The following MEGF9 variants were observed in gnomAD, a reference collection of about 807,000 sequenced individuals.
MEGF9 encodes multiple EGF like domains 9, also known as multiple epidermal growth factor-like domains protein 9.
A neutral mutation model predicts 46.8 loss-of-function variants in MEGF9; 6 were observed. That is an observed-to-expected ratio of 0.13 (90% CI 0.07 to 0.25). MEGF9 has a LOEUF of 0.25. Among genes scored for constraint, MEGF9 ranks in the 10% least tolerant of loss-of-function variants. The pLI, the probability that MEGF9 is intolerant of heterozygous loss-of-function variation, is 1.00. For missense variants in MEGF9, 683 were observed against 792.4 expected, an observed-to-expected ratio of 0.86 and a Z score of 1.66; for synonymous variants, 302 against 330.7, an observed-to-expected ratio of 0.91 and a Z score of 0.94.
chr9:120,679,441 A>G (rs1220863216), intron 1 of MEGF9, among the ~76,000 whole-genome samples: 1 of 137,780 alleles, frequency 7.3e-6, no homozygotes, highest in Non-Finnish European at 1.5e-5. Context: ...ACTTGGACAC[A>G]GGATGGGGAA....
At chr9:120,642,290 G>A (rs992382092) in intron 2 of MEGF9, among the ~76,000 whole-genome samples, 4 of 152,170 alleles carry the variant, frequency 2.6e-5, no homozygotes, top group African/African-American at 7.2e-5. Flanking sequence ...CTAAACTGAT[G>A]AGTCATACTC....
Position 120,622,729 on chromosome 9 carries a change from C to G in MEGF9, c.830G>C (p.Gly277Ala), listed in dbSNP as rs1428382506. ...NSSGKCQCKV[G>A]VIGSICDRCQ... ...TCGGTCACATATAGAGCCAATGACA[C>G]CCACTTTGCACTGGCATTTCCCAGA... is the stretch of plus-strand genomic sequence containing the variant. Residue 277 changes from glycine to alanine, a missense_variant, in exon 3 of 6, where the codon GGT (glycine) becomes GCT (alanine). Around this residue, in one of 2 missense-constraint regions of MEGF9, gnomAD observed 313 missense variants for 421.1 expected, o/e 0.74. Transcript: ENST00000373930. The G allele has an allele frequency of 6.2e-7, 1 of 1,613,522 alleles. No homozygotes were observed. Among genetic ancestry groups the G allele is most frequent in the South Asian group, 1.1e-5 (1 of 91,010 alleles).
At chr9:120,635,470 C>T (rs1022535705) in intron 2 of MEGF9, among the ~76,000 whole-genome samples, 5 of 152,254 alleles carry the variant, frequency 3.3e-5, no homozygotes, top group African/African-American at 1.2e-4. Context: ...AATGGTGTCC[C>T]ATAAGTCTTG....
At chr9:120,672,882 G>A (rs1320303106) in intron 1 of MEGF9, among the ~76,000 whole-genome samples, 1 of 152,166 alleles carries the variant, frequency 6.6e-6, no homozygotes, top group African/African-American at 2.4e-5. Context: ...AATTAGCCGG[G>A]TGTGGTGGTG....
chr9:120,713,898 G>C lies in MEGF9; in HGVS notation c.461C>G (p.Pro154Arg), dbSNP rs1213025719. The C allele has an allele frequency of 7.5e-7, 1 of 1,330,720 alleles. No homozygotes were observed. The highest frequency in any genetic ancestry group is 1.5e-5 in the African/African-American group (1 of 66,446). 82.4% of individuals were successfully genotyped at this position (1,330,720 alleles called of 1,614,324 possible). ...APTTLSTTTG[P>R]APTTPVATTV... is the part of the protein sequence containing the mutation. ...GGTCGCTACAGGGGTGGTCGGCGCC[G>C]GGCCAGTGGTCGTCGAAAGGGTGGT... Residue 154 changes from proline (P) to arginine (R), a missense_variant, in exon 1 of 6, where the codon CCG (proline) becomes CGG (arginine). Coordinates refer to ENST00000373930, the MANE Select transcript of MEGF9 (RefSeq NM_001080497.3).
Position 120,714,202 on chromosome 9 carries a change from C to G in MEGF9, c.157G>C (p.Ala53Pro), listed in dbSNP as rs2043967779. 8.1e-7 allele frequency: 1 copy of G among 1,235,364 alleles called. No homozygotes were observed. The highest frequency in any genetic ancestry group is 1.0e-6 in the Non-Finnish European group (1 of 991,048). 76.5% of individuals were successfully genotyped at this position (1,235,364 alleles called of 1,614,324 possible). A position where few individuals can be genotyped will look rare whatever the true frequency, so the allele number is the denominator to read the frequency against. Residue 53 changes from alanine to proline, a missense_variant, in exon 1 of 6, where the codon GCG (alanine) becomes CCG (proline). Ala to Pro is a conservative substitution (Grantham distance 27). Coordinates refer to ENST00000373930, the MANE Select transcript of MEGF9 (RefSeq NM_001080497.3). ...CCCCGCAACCCGGGGCCCGGCGACG[C>G]GTCCACCTGCCCCGCGGCCCCGCCG... ...GGGGAAGQVD[A>P]SPGPGLRGEP...
chr9:120,700,955 T>A (rs1588000488), intron 1 of MEGF9, among the ~76,000 whole-genome samples: 1 of 150,662 alleles, frequency 6.6e-6, no homozygotes, highest in African/African-American at 2.4e-5. Context: ...ATTTAAAAAA[T>A]TAGTTTAAAA....
intron 2 of MEGF9, among the ~76,000 whole-genome samples, chr9:120,640,053 T>C (rs79782594): frequency 0.014 from 2,131 of 152,336 alleles, 20 homozygotes; most frequent in Non-Finnish European, 0.024. Flanking sequence ...TACCACCCTG[T>C]CTAGATTACT....
At chr9:120,660,789 AG>A (rs1392592358) in intron 1 of MEGF9, among the ~76,000 whole-genome samples, 1 of 152,238 alleles carries the variant, frequency 6.6e-6, no homozygotes, top group East Asian at 1.9e-4. Flanking sequence ...TCCTAGGAAT[AG>A]GTCCCATTCC....
intron 2 of MEGF9, among the ~76,000 whole-genome samples, chr9:120,625,735 G>C (rs376461844): frequency 8.7e-4 from 131 of 150,546 alleles, no homozygotes; most frequent in African/African-American, 3.1e-3. Flanking sequence ...TCGGGAGGCT[G>C]AGGCAGGAGA....
intron 1 of MEGF9, among the ~76,000 whole-genome samples, chr9:120,711,870 CA>C (rs112358001): frequency 6.8e-6 from 1 of 147,078 alleles, no homozygotes; most frequent in African/African-American, 2.7e-5. Context: ...CACACACACA[CA>C]CCCACAGGCC....
At chr9:120,657,816 A>G (rs184042365) in intron 2 of MEGF9, among the ~76,000 whole-genome samples, 2 of 152,194 alleles carry the variant, frequency 1.3e-5, no homozygotes, top group African/African-American at 4.8e-5. Context: ...TTGGAATTGA[A>G]GACCTAATTT....
chr9:120,653,373 TATTTA>T (rs2043662120), intron 2 of MEGF9, among the ~76,000 whole-genome samples: 1 of 149,580 alleles, frequency 6.7e-6, no homozygotes, highest in East Asian at 1.9e-4. Flanking sequence ...TTATTTATTT[TATTTA>T]TTTTTTTTTT....
chr9:120,623,781 G>T (rs1343393755), intron 2 of MEGF9, among the ~76,000 whole-genome samples: 1 of 152,078 alleles, frequency 6.6e-6, no homozygotes, highest in East Asian at 1.9e-4. Context: ...CCAGTCAATC[G>T]AAGCCACTCT....
chr9:120,704,420 T>C (rs1032312645), intron 1 of MEGF9, among the ~76,000 whole-genome samples: 1 of 152,220 alleles, frequency 6.6e-6, no homozygotes, highest in South Asian at 2.1e-4. Flanking sequence ...CCATTTACTT[T>C]CAGTTACTTC....
rs147612127 is a variant in MEGF9, at chr9:120,679,109, G to T, written c.602-19534C>A. On this transcript the variant is annotated intron_variant, in intron 1 of 5. Transcript: ENST00000373930. ...AGAACTAGAAATATCATTTGACCCAGCCATCTCATTACTGGGTATATAACC... is the reference window on the plus strand; with the variant it reads ...AGAACTAGAAATATCATTTGACCCATCCATCTCATTACTGGGTATATAACC... Among the ~76,000 whole-genome samples, 321 of 152,308 alleles carry T rather than the reference G, an allele frequency of 2.1e-3. 1 individual carries two copies. The highest frequency in any genetic ancestry group is 7.3e-3 in the African/African-American group (302 of 41,558).
chr9:120,641,145 T>C (rs948267374), intron 2 of MEGF9, among the ~76,000 whole-genome samples: 1 of 152,224 alleles, frequency 6.6e-6, no homozygotes, highest in Non-Finnish European at 1.5e-5. Flanking sequence ...TCTTTGCTAT[T>C]GTGAATAGCA....
intron 2 of MEGF9, among the ~76,000 whole-genome samples, chr9:120,625,067 A>G (rs908961294): frequency 3.3e-5 from 5 of 152,090 alleles, no homozygotes; most frequent in African/African-American, 1.2e-4. Flanking sequence ...TGAGCCCAGG[A>G]GTTCTAGGCT....
intron 1 of MEGF9, among the ~76,000 whole-genome samples, chr9:120,702,458 A>G (rs1038823728): frequency 5.3e-5 from 8 of 152,220 alleles, no homozygotes; most frequent in Non-Finnish European, 1.0e-4. Context: ...TCACGAAAAA[A>G]CTTTAAAAAT....
Sources: gnomAD v4.1 joint callset for allele counts (sites outside exome capture counted in the v4.1 genomes callset) on GRCh38, gnomAD v4.1.1 for gene constraint, gnomAD v4.1.1 regional missense constraint, MANE v1.5 for transcripts, NCBI Gene and HGNC (gene_info 2026-07-23, HGNC 2026-07-21) for gene names.